Variants in IMMP2L observed in about 807,000 individuals in gnomAD.
IMMP2L encodes mitochondrial inner membrane protease subunit 2.
Under a neutral mutation model 19.3 loss-of-function variants are expected in IMMP2L, and 18 were observed. The ratio of observed to expected loss-of-function variants is 0.93; its 90% CI spans 0.64 to 1.38. The LOEUF is 1.38. Among genes scored for constraint, IMMP2L ranks in the 40% most tolerant of loss-of-function variants. The pLI is 0.00. For synonymous variants in IMMP2L, 76 were observed against 73.0 expected (o/e 1.04, Z -0.21); for missense variants, 233 against 218.2 (o/e 1.07, Z -0.43).
At chr7:111,089,784 A>G (rs1433733612) in intron 3 of IMMP2L, among the ~76,000 whole-genome samples, 1 of 152,064 alleles carries the variant, frequency 6.6e-6, no homozygotes, top group African/African-American at 2.4e-5. Flanking sequence ...TCTTATAGAA[A>G]AAAACATTTG....
chr7:110,763,231 A>G (rs1248335812), intron 5 of IMMP2L, among the ~76,000 whole-genome samples: 1 of 152,170 alleles, frequency 6.6e-6, no homozygotes, highest in African/African-American at 2.4e-5. Context: ...TAACATTTCA[A>G]TATGCTAGTT....
intron 4 of IMMP2L, among the ~76,000 whole-genome samples, chr7:110,943,727 T>A (rs934784406): frequency 6.6e-6 from 1 of 151,902 alleles, no homozygotes; most frequent in African/African-American, 2.4e-5. Flanking sequence ...GGGTAGGGTG[T>A]TACCACAGAA....
intron 5 of IMMP2L, among the ~76,000 whole-genome samples, chr7:110,700,666 TTACC>T (rs1475275093): frequency 6.6e-6 from 1 of 152,212 alleles, no homozygotes; most frequent in Non-Finnish European, 1.5e-5. Flanking sequence ...GTTCATGGGT[TTACC>T]TGAACTCTAA....
At position 111,495,621 on chromosome 7, in the gene IMMP2L, T is replaced by C. The variant is rs111698284; in HGVS notation, c.136-8280A>G. ...GAATTTATCTTTCGGTTTACGAAAA[T>C]AAAATTCTCCTAGAGAATTAAGCAC... On this transcript the variant is annotated intron_variant, in intron 2 of 5. Transcript: ENST00000405709. 6.4e-3 allele frequency among the ~76,000 whole-genome samples: 971 copies of C among 152,300 alleles called. 12 individuals are homozygous for C. The highest frequency in any genetic ancestry group is 0.021 in the African/African-American group (854 of 41,570).
At chr7:111,224,043 AT>A (rs1163653558) in intron 3 of IMMP2L, among the ~76,000 whole-genome samples, 4 of 152,240 alleles carry the variant, frequency 2.6e-5, no homozygotes, top group Non-Finnish European at 5.9e-5. Context: ...AAAACAGAGC[AT>A]CTCAATTCTG....
chr7:111,418,154 C>G (rs999877662), intron 3 of IMMP2L, among the ~76,000 whole-genome samples: 2 of 151,744 alleles, frequency 1.3e-5, no homozygotes, highest in Non-Finnish European at 2.9e-5. Flanking sequence ...ATGTCACTGA[C>G]CATCTTTTAC....
intron 5 of IMMP2L, among the ~76,000 whole-genome samples, chr7:110,785,320 T>C (rs567468615): frequency 6.6e-6 from 1 of 152,102 alleles, no homozygotes; most frequent in African/African-American, 2.4e-5. Context: ...TAAAATAATA[T>C]ATCTTCTTAT....
chr7:111,394,120 C>T (rs538611812), intron 3 of IMMP2L, among the ~76,000 whole-genome samples: 1 of 152,110 alleles, frequency 6.6e-6, no homozygotes, highest in East Asian at 1.9e-4. Flanking sequence ...ATATATCTTA[C>T]AGTCGATAAT....
intron 2 of IMMP2L, among the ~76,000 whole-genome samples, chr7:111,487,577 T>C (rs1842760898): frequency 6.6e-6 from 1 of 152,190 alleles, no homozygotes; most frequent in South Asian, 2.1e-4. Flanking sequence ...GAACGTGTGC[T>C]AGACATTAAA....
At chr7:110,829,958 T>A (rs979159909) in intron 5 of IMMP2L, among the ~76,000 whole-genome samples, 1 of 152,184 alleles carries the variant, frequency 6.6e-6, no homozygotes, top group African/African-American at 2.4e-5. Flanking sequence ...AAGGATATTA[T>A]GCATTGATAA....
intron 5 of IMMP2L, among the ~76,000 whole-genome samples, chr7:110,689,784 C>T (rs1240053660): frequency 6.6e-6 from 1 of 152,090 alleles, no homozygotes; most frequent in Non-Finnish European, 1.5e-5. Context: ...ATTGTTTTAT[C>T]TGTAGATGTC....
At chr7:110,821,547 T>G (rs1803031106) in intron 5 of IMMP2L, among the ~76,000 whole-genome samples, 1 of 151,946 alleles carries the variant, frequency 6.6e-6, no homozygotes, top group African/African-American at 2.4e-5. Context: ...CATGAGAAAA[T>G]GGAGGCTGAG....
intron 1 of IMMP2L, among the ~76,000 whole-genome samples, chr7:111,542,229 T>G (rs1446561096): frequency 2.0e-5 from 3 of 152,078 alleles, no homozygotes; most frequent in Admixed American, 6.6e-5. Flanking sequence ...ATATACAAAC[T>G]CTGAATGAAG....
intron 3 of IMMP2L, among the ~76,000 whole-genome samples, chr7:111,267,523 T>C (rs1409290011): frequency 3.3e-5 from 5 of 152,090 alleles, no homozygotes; most frequent in Non-Finnish European, 7.4e-5. Flanking sequence ...ATTATAAACA[T>C]GGCCTCAAAG....
Position 110,963,535 on chromosome 7 carries a change from A to C in IMMP2L, c.270T>G (p.Ile90Met), listed in dbSNP as rs1819191113. The C allele has an allele frequency of 1.2e-6, 2 of 1,603,614 alleles. No homozygotes were observed. Among genetic ancestry groups the C allele is most frequent in the African/African-American group, 2.7e-5 (2 of 74,524 alleles). Reference protein sequence around the residue: ...VSPKNPEQKIIKRVIALEGDI... With the variant: ...VSPKNPEQKIMKRVIALEGDI... ...CTCCTTCAAGAGCAATCACTCTCTTAATGATCTTCTGTTCTGGGTTTTTAG... is the reference window on the plus strand; with the variant it reads ...CTCCTTCAAGAGCAATCACTCTCTTCATGATCTTCTGTTCTGGGTTTTTAG... The change falls in exon 4 of 6, where the codon ATT (isoleucine) becomes ATG (methionine). Residue 90 changes from isoleucine (I) to methionine (M), a missense_variant. Transcript: ENST00000405709.
chr7:110,947,382 CA>C, intron 4 of IMMP2L, among the ~76,000 whole-genome samples: 1 of 152,132 alleles, frequency 6.6e-6, no homozygotes, highest in Non-Finnish European at 1.5e-5. Context: ...GGAGTCATTT[CA>C]ATTACCATCA....
chr7:111,482,821 A>C (rs889871072), intron 3 of IMMP2L, among the ~76,000 whole-genome samples: 1 of 152,162 alleles, frequency 6.6e-6, no homozygotes. Context: ...CTCTATTGAA[A>C]GAGAGTCTGG....
intron 3 of IMMP2L, among the ~76,000 whole-genome samples, chr7:111,317,128 A>G (rs141279895): frequency 2.0e-5 from 3 of 152,130 alleles, no homozygotes; most frequent in South Asian, 2.1e-4. Flanking sequence ...GATTGCAGGC[A>G]TGATTTTTGG....
At chr7:111,161,610 G>A (rs541837260) in intron 3 of IMMP2L, among the ~76,000 whole-genome samples, 1 of 151,966 alleles carries the variant, frequency 6.6e-6, no homozygotes, top group East Asian at 1.9e-4. Flanking sequence ...AATGTTTTAG[G>A]TATCCTATCA....
Sources: allele counts gnomAD v4.1 joint callset (sites outside exome capture counted in the v4.1 genomes callset), GRCh38; gene constraint gnomAD v4.1.1; transcripts MANE v1.5; gene names NCBI Gene and HGNC (gene_info 2026-07-23, HGNC 2026-07-21).